The following AP1G1 variants were observed in gnomAD, a reference collection of about 807,000 sequenced individuals.
AP1G1 encodes AP-1 complex subunit gamma-1.
Under a neutral mutation model 108.3 loss-of-function variants are expected in AP1G1, and 7 were observed. The observed-to-expected ratio is 0.06, with a 90% CI of 0.04 to 0.12. AP1G1 has a LOEUF of 0.12. AP1G1 is among the 10% of genes least tolerant of loss of function. The pLI is 1.00. For missense variants in AP1G1, 756 were observed against 1,010.7 expected, an observed-to-expected ratio of 0.75 and a Z score of 3.42; for synonymous variants, 379 against 353.5, an observed-to-expected ratio of 1.07 and a Z score of -0.81.
At chr16:71,752,211 A>G (rs1196794450) in intron 13 of AP1G1, among the ~76,000 whole-genome samples, 1 of 152,156 alleles carries the variant, frequency 6.6e-6, no homozygotes, top group Non-Finnish European at 1.5e-5. Context: ...GAATTCTCAT[A>G]AACACTTTCC....
intron 1 of AP1G1, among the ~76,000 whole-genome samples, chr16:71,794,620 A>G (rs761120918): frequency 9.9e-5 from 15 of 152,210 alleles, no homozygotes; most frequent in Admixed American, 2.6e-4. Context: ...CTTAAACTAA[A>G]TAAGATTACT....
chr16:71,744,844 G>A (rs564946043), intron 19 of AP1G1, among the ~76,000 whole-genome samples: 1 of 152,262 alleles, frequency 6.6e-6, no homozygotes, highest in African/African-American at 2.4e-5. Flanking sequence ...CCAAAGTGCT[G>A]GGATTACAGG....
chr16:71,800,236 T>G (rs1597091871), intron 1 of AP1G1, among the ~76,000 whole-genome samples: 2 of 145,882 alleles, frequency 1.4e-5, no homozygotes, highest in Admixed American at 1.4e-4. Flanking sequence ...CCGGGTGTGG[T>G]GGTGGGCGCC....
Position 71,788,686 on chromosome 16 carries a change from A to C in AP1G1, c.201+593T>G, listed in dbSNP as rs148453401. Among the ~76,000 whole-genome samples the C allele has an allele frequency of 1.8e-4, 28 of 152,032 alleles. 1 individual carries two copies. In the East Asian group the frequency reaches 5.4e-3, roughly 29 times the overall value. On this transcript the variant is annotated intron_variant, in intron 2 of 22. Transcript: ENST00000299980. ...TTTTTTTAAAAAAAAAAGAAATAGG[A>C]TCTTACTCTATTGCCCAGGCTGGAG...
chr16:71,767,966 C>A, intron 6 of AP1G1: 1 of 1,442,122 alleles, frequency 6.9e-7, no homozygotes, highest in Non-Finnish European at 9.6e-7. Context: ...GGGTCTCATA[C>A]TATATTACAA....
At position 71,764,714 on chromosome 16, in the gene AP1G1, G is replaced by A. The variant is rs774085362; in HGVS notation, c.751C>T (p.Arg251Trp). 10 of 1,608,496 alleles carry A rather than the reference G, an allele frequency of 6.2e-6. No homozygotes were observed. The highest frequency in any genetic ancestry group is 1.7e-4 in the Middle Eastern group (1 of 6,060). The stretch of plus-strand genomic sequence containing the variant: ...TTTCGTCCTAAAATTCTTAATAACC[G>A]CAAAATTCGTACCTAACGTGCAAAA... ...SDPFLQVRIL[R>W]LLRILGRNDD... Residue 251 changes from arginine (R) to tryptophan (W), a missense_variant, in exon 8 of 23, where the codon CGG (arginine) becomes TGG (tryptophan). Physicochemically the swap from Arg to Trp is moderately radical, Grantham distance 101. Coordinates refer to ENST00000299980, the MANE Select transcript of AP1G1 (RefSeq NM_001128.6).
At chr16:71,778,977 C>A (rs2031897991) in intron 2 of AP1G1, among the ~76,000 whole-genome samples, 1 of 152,144 alleles carries the variant, frequency 6.6e-6, no homozygotes, top group Admixed American at 6.5e-5. Flanking sequence ...ACTTGAAAAA[C>A]CTACCTGAAA....
chr16:71,806,832 C>T, intron 1 of AP1G1: 1 of 531,554 alleles, frequency 1.9e-6, no homozygotes, highest in Non-Finnish European at 3.0e-6. Context: ...ATAACAAGAT[C>T]ACTGAGTATT....
intron 12 of AP1G1, 53 bp downstream of exon 12, chr16:71,755,966 C>T: frequency 6.4e-7 from 1 of 1,572,646 alleles, no homozygotes; most frequent in Non-Finnish European, 8.6e-7. Context: ...TTTAAAGACA[C>T]TTCCAAAAGT....
At chr16:71,760,260 C>T (rs1399025194) in intron 10 of AP1G1, among the ~76,000 whole-genome samples, 5 of 147,732 alleles carry the variant, frequency 3.4e-5, no homozygotes, top group East Asian at 4.0e-4. Flanking sequence ...AACAGGGTCT[C>T]GGCCAGGTGT....
chr16:71,774,067 GA>G (rs1182717329), intron 3 of AP1G1, among the ~76,000 whole-genome samples: 950 of 81,000 alleles, frequency 0.012, 6 homozygotes, highest in Middle Eastern at 0.067. Context: ...GTCTCAAAAA[GA>G]AAAAAAAAAA....
chr16:71,734,618 G>A lies in AP1G1; in HGVS notation c.2358C>T (p.Asn786=), dbSNP rs2045511681. ...CAAATGTGCTACTCACCTTCTGAGG[G>A]TTCAGAACTTTAATGACTTGTGTGA... ...GTITQVIKVL[N]PQKQQLRMRI... The change falls in exon 22 of 23, where the codon AAC becomes AAT. Residue 786 remains asparagine, a synonymous_variant. Transcript: ENST00000299980. 6.2e-7 allele frequency: 1 copy of A among 1,610,108 alleles called. No homozygotes were observed. The highest frequency in any genetic ancestry group is 8.5e-7 in the Non-Finnish European group (1 of 1,176,306).
chr16:71,789,873 T>C (rs1318933191), intron 1 of AP1G1, among the ~76,000 whole-genome samples: 1 of 152,218 alleles, frequency 6.6e-6, no homozygotes, highest in Non-Finnish European at 1.5e-5. Context: ...TCTGTTCAAC[T>C]GCTGTTAAAC....
chr16:71,777,678 C>A (rs1028872292), intron 2 of AP1G1: 1 of 457,818 alleles, frequency 2.2e-6, no homozygotes, highest in East Asian at 7.5e-5. Flanking sequence ...CTCTTCAGCT[C>A]GGGCCCTTCA....
chr16:71,748,317 G>T lies in AP1G1; in HGVS notation c.1559C>A (p.Ser520Tyr), dbSNP rs2030291727. ...AGTGAGGGCATAACCTCGTGTCACA[G>T]AGGTGGACATATTAGAGATTAGGAC... Reference protein sequence around the residue: ...ESVLISNMSTSVTRGYALTAI... With the variant: ...ESVLISNMSTYVTRGYALTAI... The change falls in exon 16 of 23, where the codon TCT (serine) becomes TAT (tyrosine). Residue 520 changes from serine to tyrosine, a missense_variant. Coordinates refer to ENST00000299980, the MANE Select transcript of AP1G1 (RefSeq NM_001128.6). 6.2e-7 allele frequency: 1 copy of T among 1,613,800 alleles called. No individual in the cohort carries two copies. The highest frequency in any genetic ancestry group is 1.1e-5 in the South Asian group (1 of 91,084).
chr16:71,789,491 G>A lies in AP1G1; in HGVS notation c.-3-9C>T. 6.2e-7 allele frequency: 1 copy of A among 1,613,028 alleles called. No individual in the cohort carries two copies. The highest frequency in any genetic ancestry group is 8.5e-7 in the Non-Finnish European group (1 of 1,179,162). On this transcript the variant is annotated splice_polypyrimidine_tract_variant and intron_variant, in intron 1 of 22. Transcript: ENST00000299980. ...ATGGGGGCTGGCATCCTCTGGATATGGAAAGACATTAAATAGAGATGTTCA... is the reference window on the plus strand; with the variant it reads ...ATGGGGGCTGGCATCCTCTGGATATAGAAAGACATTAAATAGAGATGTTCA...
chr16:71,798,598 T>C (rs1319830279), intron 1 of AP1G1, among the ~76,000 whole-genome samples: 5 of 150,644 alleles, frequency 3.3e-5, no homozygotes, highest in Non-Finnish European at 5.9e-5. Context: ...AAAAGATAAA[T>C]GAGGCCGGGC....
chr16:71,750,095 T>C, intron 14 of AP1G1, 112 bp from the exon 15 acceptor site: 1 of 1,477,788 alleles, frequency 6.8e-7, no homozygotes, highest in Non-Finnish European at 9.4e-7. Context: ...ATCTAGAGTG[T>C]TAGAAATAAA....
intron 1 of AP1G1, among the ~76,000 whole-genome samples, chr16:71,797,558 T>C (rs1306123899): frequency 2.0e-5 from 3 of 152,112 alleles, no homozygotes; most frequent in East Asian, 3.9e-4. Context: ...CCCAGCACTT[T>C]GGGAGGCTGA....
Sources: gnomAD v4.1 joint callset for allele counts (sites outside exome capture counted in the v4.1 genomes callset) on GRCh38, gnomAD v4.1.1 for gene constraint, MANE v1.5 for transcripts, NCBI Gene and HGNC (gene_info 2026-07-23, HGNC 2026-07-21) for gene names.